Variants in TRIM45 observed in about 807,000 individuals in gnomAD.
The protein encoded by TRIM45 is E3 ubiquitin-protein ligase TRIM45.
TRIM45 carries 45 observed loss-of-function variants against 46.7 expected under a neutral mutation model. That is an observed-to-expected ratio of 0.96 (90% CI 0.76 to 1.24). The LOEUF is 1.24. Ranked by LOEUF, TRIM45 falls within the 50% of genes most tolerant of loss-of-function variation. TRIM45 has a pLI of 0.00. For synonymous variants in TRIM45, 259 were observed against 285.8 expected, an observed-to-expected ratio of 0.91 and a Z score of 0.94; for missense variants, 680 against 728.4, an observed-to-expected ratio of 0.93 and a Z score of 0.77.
rs1291259862 is a variant in TRIM45, at chr1:117,120,705, C to T, written c.488+9G>A. On this transcript the variant is annotated intron_variant, in intron 1 of 5. Coordinates refer to ENST00000256649, the MANE Select transcript of TRIM45 (RefSeq NM_025188.4). ...TTAAGCTACACCTGATGGAGTGTCC[C>T]ATCTTTACCTATGAGCCTGGCAGCA... 4 of 1,593,256 alleles carry T rather than the reference C, an allele frequency of 2.5e-6. No individual in the cohort carries two copies. Among genetic ancestry groups the T allele is most frequent in the Admixed American group, 1.7e-5 (1 of 58,734 alleles).
At position 117,117,493 on chromosome 1, in the gene TRIM45, G is replaced by C. The variant is rs2101345058; in HGVS notation, c.1222+541C>G. Among the ~76,000 whole-genome samples the C allele has an allele frequency of 6.6e-6, 1 of 152,188 alleles. No individual in the cohort carries two copies. Among genetic ancestry groups the C allele is most frequent in the East Asian group, 1.9e-4 (1 of 5,182 alleles). On this transcript the variant is annotated intron_variant, in intron 2 of 5. Coordinates refer to ENST00000256649, the MANE Select transcript of TRIM45 (RefSeq NM_025188.4). The surrounding 1 kb of genome is among the most constrained non-coding windows in gnomAD (Gnocchi z 4.9). ...TTAATAATATGCTTCCATTAGAAAGGGAACACTCGTTAAAAAAAACCATTT... is the reference window on the plus strand; with the variant it reads ...TTAATAATATGCTTCCATTAGAAAGCGAACACTCGTTAAAAAAAACCATTT...
At position 117,121,697 on chromosome 1, in the gene TRIM45, C is replaced by T. The variant is rs557626700; in HGVS notation, c.-496G>A. On this transcript the variant is annotated 5_prime_UTR_variant, in exon 1 of 6. Transcript: ENST00000256649. The surrounding 1 kb of genome is among the most constrained non-coding windows in gnomAD (Gnocchi z 4.2). ...AATTGCAAGCCGCCGGCGGGCTTCTCGGTGTCCACCGCCTCTCCCGCGCCT... is the reference window on the plus strand; with the variant it reads ...AATTGCAAGCCGCCGGCGGGCTTCTTGGTGTCCACCGCCTCTCCCGCGCCT... 2.8e-4 allele frequency: 157 copies of T among 555,130 alleles called. No homozygotes were observed. Among genetic ancestry groups the T allele is most frequent in the Non-Finnish European group, 4.4e-4 (138 of 312,098 alleles). The allele number at this position is 555,130 out of a possible 1,614,324, so 34.4% of individuals were successfully genotyped here. A position where few individuals can be genotyped will look rare whatever the true frequency, so the allele number is the denominator to read the frequency against.
chr1:117,118,226 G>A lies in TRIM45; in HGVS notation c.1030C>T (p.Leu344Phe), dbSNP rs1650475909. The A allele has an allele frequency of 6.2e-7, 1 of 1,614,144 alleles. No individual in the cohort carries two copies. The highest frequency in any genetic ancestry group is 1.7e-5 in the Admixed American group (1 of 60,018). ...TCTACCACCACCCTCTTGGTGATGA[G>A]GATCTCCAAGTCTGAGCCGCTGGTC... Reference protein sequence around the residue: ...LLTSGSDLEILITKRVVVERL... With the variant: ...LLTSGSDLEIFITKRVVVERL... The change falls in exon 2 of 6, where the codon CTC becomes TTC. Residue 344 changes from leucine to phenylalanine, a missense_variant. Leu to Phe is a conservative substitution (Grantham distance 22). Around this residue, in one of 3 missense-constraint regions of TRIM45, gnomAD observed 322 missense variants for 359.3 expected, o/e 0.90. Coordinates refer to ENST00000256649, the MANE Select transcript of TRIM45 (RefSeq NM_025188.4). This position sits in a 1 kb window ranked among gnomAD's most constrained non-coding sequence, Gnocchi z 5.7.
chr1:117,120,410 C>G (rs974586190), intron 1 of TRIM45, among the ~76,000 whole-genome samples: 1 of 152,182 alleles, frequency 6.6e-6, no homozygotes, highest in African/African-American at 2.4e-5. Context: ...TATTCATTCT[C>G]CTGTTTCTCC....
In TRIM45 at chr1:117,118,384, T is replaced by C. The variant is rs1650487356; in HGVS notation, c.872A>G (p.His291Arg). The C allele has an allele frequency of 6.2e-7, 1 of 1,614,110 alleles. No individual in the cohort carries two copies. Among genetic ancestry groups the C allele is most frequent in the Non-Finnish European group, 8.5e-7 (1 of 1,180,042 alleles). ...CAGCTGCTTCAGCAGCTTGTCCCGATGCTCCTCAATGGCCTTAATGTAGCC... is the reference window on the plus strand; with the variant it reads ...CAGCTGCTTCAGCAGCTTGTCCCGACGCTCCTCAATGGCCTTAATGTAGCC... Reference protein sequence around the residue: ...SEGYIKAIEEHRDKLLKQLED... With the variant: ...SEGYIKAIEERRDKLLKQLED... Residue 291 changes from histidine to arginine, a missense_variant, in exon 2 of 6, where the codon CAT (histidine) becomes CGT (arginine). His to Arg is a conservative substitution (Grantham distance 29). Around this residue, in one of 3 missense-constraint regions of TRIM45, gnomAD observed 9 missense variants for 25.6 expected, o/e 0.35. Transcript: ENST00000256649. This position sits in a 1 kb window ranked among gnomAD's most constrained non-coding sequence, Gnocchi z 5.7.
Position 117,118,583 on chromosome 1 carries a change from C to T in TRIM45, c.673G>A (p.Asp225Asn). The change falls in exon 2 of 6, where the codon GAC becomes AAC. Residue 225 changes from aspartate to asparagine, a missense_variant. Asp to Asn is a conservative substitution (Grantham distance 23, BLOSUM62 1). Around this residue, in one of 3 missense-constraint regions of TRIM45, gnomAD observed 349 missense variants for 343.6 expected, o/e 1.02. Transcript: ENST00000256649. This position sits in a 1 kb window ranked among gnomAD's most constrained non-coding sequence, Gnocchi z 5.7. ...TTGTGGATGACATTGCTGGTGAAGTCACAGGGGTGTTCCCGATGCTCCCCC... is the reference window on the plus strand; with the variant it reads ...TTGTGGATGACATTGCTGGTGAAGTTACAGGGGTGTTCCCGATGCTCCCCC... ...VVGEHREHPC[D>N]FTSNVIHKHG... 2 of 1,614,150 alleles carry T rather than the reference C, an allele frequency of 1.2e-6. No homozygotes were observed. The highest frequency in any genetic ancestry group is 1.7e-6 in the Non-Finnish European group (2 of 1,180,040).
chr1:117,120,633 A>G (rs1018646134), intron 1 of TRIM45, 81 bp downstream of exon 1: 2 of 1,512,604 alleles, frequency 1.3e-6, no homozygotes, highest in African/African-American at 2.8e-5. Flanking sequence ...TTTCCTTTTC[A>G]TCTGCTCACC....
At chr1:117,123,141 T>C (rs1291380713), upstream of TRIM45, among the ~76,000 whole-genome samples, 8 of 152,188 alleles carry the variant, frequency 5.3e-5, no homozygotes, top group East Asian at 1.5e-3. Flanking sequence ...TTATATAAAA[T>C]GTGCAAGTAA....
chr1:117,118,403 T>G lies in TRIM45; in HGVS notation c.853A>C (p.Ile285Leu). ...TCCCGATGCTCCTCAATGGCCTTAA[T>G]GTAGCCCTCCGAGAATGTCCGGACA... ...ADVRTFSEGY[I>L]KAIEEHRDKL... The change falls in exon 2 of 6, where the codon ATT becomes CTT. Residue 285 changes from isoleucine to leucine, a missense_variant. By Grantham distance (5) the Ile-to-Leu change is conservative. Around this residue, in one of 3 missense-constraint regions of TRIM45, gnomAD observed 9 missense variants for 25.6 expected, o/e 0.35. Transcript: ENST00000256649. This position sits in a 1 kb window ranked among gnomAD's most constrained non-coding sequence, Gnocchi z 5.7. The G allele has an allele frequency of 6.2e-7, 1 of 1,614,158 alleles. No individual in the cohort carries two copies. The highest frequency in any genetic ancestry group is 8.5e-7 in the Non-Finnish European group (1 of 1,180,032).
At position 117,113,104 on chromosome 1, in the gene TRIM45, T is replaced by C. The variant is rs1262308392; in HGVS notation, c.1594+255A>G. Among the ~76,000 whole-genome samples, 1 of 152,222 alleles carries C rather than the reference T, an allele frequency of 6.6e-6. No homozygotes were observed. Among genetic ancestry groups the C allele is most frequent in the Non-Finnish European group, 1.5e-5 (1 of 68,024 alleles). ...AAAGGGACAGACAAACTGAGAATCC[T>C]ACATAGAAGCACAGGGCTCATAGGA... is the stretch of plus-strand genomic sequence containing the variant. On this transcript the variant is annotated intron_variant, in intron 5 of 5. Transcript: ENST00000256649. This position sits in a 1 kb window ranked among gnomAD's most constrained non-coding sequence, Gnocchi z 4.0.
chr1:117,123,517 AG>A (rs1202430914), upstream of TRIM45, among the ~76,000 whole-genome samples: 2 of 152,104 alleles, frequency 1.3e-5, no homozygotes, highest in Non-Finnish European at 2.9e-5. Context: ...GGCCTCAAAG[AG>A]GTCTTGCCAG....
Position 117,120,705 on chromosome 1 carries a change from C to A in TRIM45, c.488+9G>T. ...TTAAGCTACACCTGATGGAGTGTCCCATCTTTACCTATGAGCCTGGCAGCA... is the reference window on the plus strand; with the variant it reads ...TTAAGCTACACCTGATGGAGTGTCCAATCTTTACCTATGAGCCTGGCAGCA... On this transcript the variant is annotated intron_variant, in intron 1 of 5. Coordinates refer to ENST00000256649, the MANE Select transcript of TRIM45 (RefSeq NM_025188.4). 6.3e-7 allele frequency: 1 copy of A among 1,593,256 alleles called. No individual in the cohort carries two copies. The highest frequency in any genetic ancestry group is 8.6e-7 in the Non-Finnish European group (1 of 1,168,528).
Position 117,113,796 on chromosome 1 carries a change from A to G in TRIM45, c.1468-311T>C, listed in dbSNP as rs1305559329. On this transcript the variant is annotated intron_variant, in intron 4 of 5. Transcript: ENST00000256649. The surrounding 1 kb of genome is among the most constrained non-coding windows in gnomAD (Gnocchi z 4.0). ...TGCTGGACACTGAAAGGAGTCACAC[A>G]GTCAGCTCCATTTTCAGTGACATCT... Among the ~76,000 whole-genome samples the G allele has an allele frequency of 6.6e-6, 1 of 152,246 alleles. No individual in the cohort carries two copies. Among genetic ancestry groups the G allele is most frequent in the East Asian group, 1.9e-4 (1 of 5,206 alleles).
Position 117,115,540 on chromosome 1 carries a change from C to A in TRIM45, c.1467+35G>T. The A allele has an allele frequency of 7.0e-7, 1 of 1,437,372 alleles. No individual in the cohort carries two copies. The highest frequency in any genetic ancestry group is 9.8e-7 in the Non-Finnish European group (1 of 1,018,942). The allele number at this position is 1,437,372 out of a possible 1,614,324, so 89.0% of individuals were successfully genotyped here. On this transcript the variant is annotated intron_variant, in intron 4 of 5. Transcript: ENST00000256649. This position sits in a 1 kb window ranked among gnomAD's most constrained non-coding sequence, Gnocchi z 4.2. Reference sequence around the variant, plus strand: ...CTCCAGATCCTAAGACAGTAGAATCCAGGGAGCTCAGGGAAGCACGTGCAC... The same window carrying A: ...CTCCAGATCCTAAGACAGTAGAATCAAGGGAGCTCAGGGAAGCACGTGCAC...
rs1650486407 is a variant in TRIM45 at position 117,118,360 on chromosome 1, AGCT to A, written c.893_895del (p.Gln298del). 6.2e-7 allele frequency: 1 copy of A among 1,614,134 alleles called. No individual in the cohort carries two copies. The highest frequency in any genetic ancestry group is 2.2e-5 in the East Asian group (1 of 44,876). ...TTCCTTCTGGGCCCGTATGTCTTCC[AGCT>A]GCTTCAGCAGCTTGTCCCGATGCTC... On this transcript the variant is annotated inframe_deletion, in exon 2 of 6. Coordinates refer to ENST00000256649, the MANE Select transcript of TRIM45 (RefSeq NM_025188.4). This position sits in a 1 kb window ranked among gnomAD's most constrained non-coding sequence, Gnocchi z 5.7.
At position 117,112,434 on chromosome 1, in the gene TRIM45, G is replaced by C; in HGVS notation, c.1614C>G (p.Gly538=). The C allele has an allele frequency of 6.2e-7, 1 of 1,613,436 alleles. No homozygotes were observed. The highest frequency in any genetic ancestry group is 8.5e-7 in the Non-Finnish European group (1 of 1,179,736). Residue 538 remains glycine, a synonymous_variant, in exon 6 of 6, where the codon GGC becomes GGG. Coordinates refer to ENST00000256649, the MANE Select transcript of TRIM45 (RefSeq NM_025188.4). Reference sequence around the variant, plus strand: ...GACCTGGGTGGCCTTTGTGTCCATGGCCACAGCCTAGGTACCCACCTACAT... The same window carrying C: ...GACCTGGGTGGCCTTTGTGTCCATGCCCACAGCCTAGGTACCCACCTACAT... The part of the protein sequence containing the change: ...GTMPGGYLGC[G]HGHKGHPGHP...
rs148469651 is a variant in TRIM45, at chr1:117,115,650, T to C, written c.1392A>G (p.Thr464=). ...CCTTGGGGGTGTAGGAAATGTAGTA[T>C]GTCCCATCCTTGTTATCCTGGACCA... The part of the protein sequence containing the change: ...RTMVQDNKDG[T]YYISYTPKEP... The change falls in exon 4 of 6, where the codon ACA becomes ACG. Residue 464 remains threonine, a synonymous_variant. Coordinates refer to ENST00000256649, the MANE Select transcript of TRIM45 (RefSeq NM_025188.4). This position sits in a 1 kb window ranked among gnomAD's most constrained non-coding sequence, Gnocchi z 4.2. 8.7e-6 allele frequency: 14 copies of C among 1,614,158 alleles called. No individual in the cohort carries two copies. In the East Asian group the frequency reaches 2.7e-4, roughly 31 times the overall value.
chr1:117,123,589 T>C (rs565359423), upstream of TRIM45, among the ~76,000 whole-genome samples: 1 of 152,164 alleles, frequency 6.6e-6, no homozygotes, highest in Admixed American at 6.5e-5. Context: ...TATGATGCCA[T>C]ATCTAAGATT....
At chr1:117,119,687 T>C (rs1221320998) in intron 1 of TRIM45, among the ~76,000 whole-genome samples, 1 of 152,058 alleles carries the variant, frequency 6.6e-6, no homozygotes, top group African/African-American at 2.4e-5. Context: ...TCCTTTCCTA[T>C]AGTAGCCCTC....
Sources: gnomAD v4.1 joint callset for allele counts (sites outside exome capture counted in the v4.1 genomes callset) on GRCh38, gnomAD v4.1.1 for gene constraint, gnomAD v4.1.1 regional missense constraint, Gnocchi (gnomAD v3.1) non-coding constraint, MANE v1.5 for transcripts, NCBI Gene and HGNC (gene_info 2026-07-23, HGNC 2026-07-21) for gene names.